The following RFC3 variants were observed in gnomAD, a reference collection of about 807,000 sequenced individuals.
RFC3 encodes the protein A1 38 kDa subunit.
RFC3 carries 41 observed loss-of-function variants against 45.1 expected under a neutral mutation model. That is an observed-to-expected ratio of 0.91 (90% CI 0.71 to 1.18). The LOEUF is 1.18. Ranked by LOEUF, RFC3 falls within the 50% of genes most tolerant of loss-of-function variation. The probability of loss-of-function intolerance (pLI) is 0.00; values close to 1 mark genes in which losing one functional copy is unlikely to be tolerated. For synonymous variants in RFC3, 149 were observed against 144.0 expected (o/e 1.03, Z -0.25); for missense variants, 423 against 428.1 (o/e 0.99, Z 0.10).
intron 8 of RFC3, among the ~76,000 whole-genome samples, chr13:33,915,508 G>C (rs1329666): frequency 0.027 from 4,035 of 152,146 alleles, 100 homozygotes; most frequent in African/African-American, 0.055. Flanking sequence ...ATATCCACTA[G>C]CAATGAAGAA....
At chr13:33,867,284 G>C (rs962120456) in intron 8 of RFC3, among the ~76,000 whole-genome samples, 3 of 152,180 alleles carry the variant, frequency 2.0e-5, no homozygotes, top group Non-Finnish European at 4.4e-5. Context: ...ACTCAGAGAT[G>C]TGCATGTCCA....
chr13:33,825,850 C>G lies in RFC3; in HGVS notation c.355C>G (p.Gln119Glu), dbSNP rs751994599. 41 of 1,608,232 alleles carry G rather than the reference C, an allele frequency of 2.5e-5. No individual in the cohort carries two copies. Among genetic ancestry groups the G allele is most frequent in the Non-Finnish European group, 3.4e-5 (40 of 1,177,234 alleles). The change falls in exon 4 of 9, where the codon CAA becomes GAA. Residue 119 changes from glutamine (Q) to glutamate (E), a missense_variant. Physicochemically the swap from Gln to Glu is conservative, Grantham distance 29. Coordinates refer to ENST00000380071, the MANE Select transcript of RFC3 (RefSeq NM_002915.4). ...GATGTTGAAAACAGTGGCACAATCA[C>G]AACAACTTGAAACAAACTCTCAAAG... is the stretch of plus-strand genomic sequence containing the variant. ...QEMLKTVAQS[Q>E]QLETNSQRDF...
rs562123595 is a variant in RFC3 at position 33,867,361 on chromosome 13, T to G, written c.879+32144T>G. 1.2e-3 allele frequency among the ~76,000 whole-genome samples: 182 copies of G among 152,354 alleles called. 1 individual carries two copies. The highest frequency in any genetic ancestry group is 4.2e-3 in the African/African-American group (175 of 41,586). ...AAAGTAATGACCCACCTATAAAGCT[T>G]GCTTTCTTTCCCTGTGATTCTGTTA... On this transcript the variant is annotated intron_variant, in intron 8 of 8. Coordinates refer to the RFC3 transcript ENST00000434425.
At chr13:33,830,624 G>C in intron 5 of RFC3, 95 bp from the exon 6 acceptor site, 2 of 926,966 alleles carry the variant, frequency 2.2e-6, no homozygotes, top group South Asian at 3.9e-5. Flanking sequence ...AATTTTGAGA[G>C]TAATACAGTT....
intron 8 of RFC3, among the ~76,000 whole-genome samples, chr13:33,883,660 TGGA>T (rs758386685): frequency 2.0e-5 from 3 of 152,216 alleles, no homozygotes; most frequent in Non-Finnish European, 4.4e-5. Context: ...AAAGGGTACA[TGGA>T]TCTCTGTATT....
intron 8 of RFC3, among the ~76,000 whole-genome samples, chr13:33,899,204 C>CAAAAAAAAAAAAAAAAAAAAAAAAGAA (rs2082622004): frequency 1.9e-5 from 1 of 51,968 alleles, no homozygotes; most frequent in Non-Finnish European, 3.6e-5. Flanking sequence ...CACAATAAGA[C>CAAAAAAAAAAAAAAAAAAAAAAAAGAA]AAAAAAAAAA....
chr13:33,920,508 A>C (rs904605048), intron 8 of RFC3, among the ~76,000 whole-genome samples: 1 of 143,048 alleles, frequency 7.0e-6, no homozygotes, highest in East Asian at 2.1e-4. Context: ...GGTTCACTGC[A>C]GCCTGGACCT....
Position 33,823,918 on chromosome 13 carries a change from C to A in RFC3, c.227C>A (p.Thr76Asn), listed in dbSNP as rs1330324725. Residue 76 changes from threonine to asparagine, a missense_variant and splice_region_variant, in exon 3 of 9, where the codon ACT becomes AAT. Coordinates refer to ENST00000380071, the MANE Select transcript of RFC3 (RefSeq NM_002915.4). ...AAATATCTTTTTCTTTGTCCACAGA[C>A]TCCATCTAAAAAAAAAATTGAAATT... is the stretch of plus-strand genomic sequence containing the variant. ...KLRIEHQTIT[T>N]PSKKKIEIST... 1.3e-6 allele frequency: 2 copies of A among 1,516,678 alleles called. No homozygotes were observed. The highest frequency in any genetic ancestry group is 1.8e-6 in the Non-Finnish European group (2 of 1,102,740). 94.0% of individuals were successfully genotyped at this position (1,516,678 alleles called of 1,614,324 possible). A position where few individuals can be genotyped will look rare whatever the true frequency, so the allele number is the denominator to read the frequency against.
chr13:33,941,856 T>C (rs531920474), intron 8 of RFC3, among the ~76,000 whole-genome samples: 1 of 152,148 alleles, frequency 6.6e-6, no homozygotes, highest in Non-Finnish European at 1.5e-5. Flanking sequence ...GTGTTATCAA[T>C]TGAGGACACT....
intron 4 of RFC3, chr13:33,829,571 A>G: frequency 2.6e-6 from 1 of 383,636 alleles, no homozygotes; most frequent in Non-Finnish European, 4.6e-6. Flanking sequence ...CAATATTAAA[A>G]ACTCAGAGCT....
At chr13:33,883,859 AAAT>A (rs1323774029) in intron 8 of RFC3, among the ~76,000 whole-genome samples, 1 of 152,176 alleles carries the variant, frequency 6.6e-6, no homozygotes, top group Non-Finnish European at 1.5e-5. Context: ...CTGGGTGATG[AAAT>A]AATCTGTGTA....
chr13:33,956,840 G>A (rs2083024961), intron 8 of RFC3, among the ~76,000 whole-genome samples: 1 of 152,220 alleles, frequency 6.6e-6, no homozygotes, highest in African/African-American at 2.4e-5. Flanking sequence ...AGTTGTATAT[G>A]TGTGTTAGTT....
intron 8 of RFC3, among the ~76,000 whole-genome samples, chr13:33,856,416 C>T (rs1423163369): frequency 2.6e-5 from 4 of 152,152 alleles, no homozygotes; most frequent in Non-Finnish European, 5.9e-5. Flanking sequence ...ATGAGATAAT[C>T]TGTACAACAA....
the RFC3 span, among the ~76,000 whole-genome samples, chr13:33,975,304 T>A: frequency 3.9e-5 from 6 of 152,206 alleles, no homozygotes; most frequent in Non-Finnish European, 8.8e-5. Flanking sequence ...ACATACTATA[T>A]GATTCCAATT....
At chr13:33,874,101 A>G (rs1459323856) in intron 8 of RFC3, among the ~76,000 whole-genome samples, 1 of 152,196 alleles carries the variant, frequency 6.6e-6, no homozygotes, top group Non-Finnish European at 1.5e-5. Flanking sequence ...ATGCGCCATC[A>G]TCCTCTTCTG....
chr13:33,895,025 T>G (rs925355724), intron 8 of RFC3, among the ~76,000 whole-genome samples: 4 of 152,134 alleles, frequency 2.6e-5, no homozygotes, highest in Admixed American at 2.6e-4. Context: ...AGGATTTAAA[T>G]GTAAGACCTG....
At chr13:33,925,028 A>G (rs566710555) in intron 8 of RFC3, among the ~76,000 whole-genome samples, 1 of 149,812 alleles carries the variant, frequency 6.7e-6, no homozygotes, top group South Asian at 2.1e-4. Context: ...CACTATATAT[A>G]TACATATATA....
chr13:33,834,653 T>G (rs549494914), intron 7 of RFC3, among the ~76,000 whole-genome samples: 1 of 152,114 alleles, frequency 6.6e-6, no homozygotes, highest in Non-Finnish European at 1.5e-5. Context: ...GTATATTATC[T>G]TGTGTCACCT....
At chr13:33,864,574 G>A (rs2082361384) in intron 8 of RFC3, among the ~76,000 whole-genome samples, 1 of 152,126 alleles carries the variant, frequency 6.6e-6, no homozygotes, top group Admixed American at 6.6e-5. Context: ...TTGTGATTAT[G>A]TTGGGGAGTG....
Sources: gnomAD v4.1 joint callset for allele counts (sites outside exome capture counted in the v4.1 genomes callset) on GRCh38, gnomAD v4.1.1 for gene constraint, MANE v1.5 for transcripts, NCBI Gene and HGNC (gene_info 2026-07-23, HGNC 2026-07-21) for gene names.